The following TEX9 variants were observed in gnomAD, a reference collection of about 807,000 sequenced individuals.
TEX9 encodes testis-expressed protein 9.
A neutral mutation model predicts 59.6 loss-of-function variants in TEX9; 74 were observed. That is an observed-to-expected ratio of 1.24 (90% CI 1.03 to 1.51). The LOEUF is 1.51. TEX9 is among the 40% of genes most tolerant of loss of function. The pLI is 0.00. For missense variants in TEX9, 522 were observed against 447.8 expected (o/e 1.17, Z -1.49); for synonymous variants, 186 against 152.2 (o/e 1.22, Z -1.64).
intron 1 of TEX9, among the ~76,000 whole-genome samples, chr15:56,301,902 A>G (rs1413835274): frequency 6.6e-6 from 1 of 152,224 alleles, no homozygotes; most frequent in Non-Finnish European, 1.5e-5. Flanking sequence ...AGCATATTGT[A>G]ACATTGTAAT....
intron 1 of TEX9, among the ~76,000 whole-genome samples, chr15:56,343,041 A>C (rs1350637964): frequency 6.6e-6 from 1 of 152,218 alleles, no homozygotes; most frequent in Non-Finnish European, 1.5e-5. Flanking sequence ...TGAAGCAAGA[A>C]AAATAGAATG....
the TEX9 span, among the ~76,000 whole-genome samples, chr15:56,457,217 T>G: frequency 5.9e-5 from 9 of 152,342 alleles, no homozygotes; most frequent in Admixed American, 2.6e-4. Context: ...TGCATTTGAC[T>G]GATTGCTTCC....
the TEX9 span, chr15:56,456,340 A>T: frequency 1.4e-5 from 21 of 1,529,752 alleles, no homozygotes; most frequent in Non-Finnish European, 1.6e-5. Flanking sequence ...TAAGGATTAC[A>T]TAAGAGTTTA....
At chr15:56,400,687 AT>A (rs2048724033) in intron 9 of TEX9, among the ~76,000 whole-genome samples, 1 of 152,186 alleles carries the variant, frequency 6.6e-6, no homozygotes, top group Non-Finnish European at 1.5e-5. Context: ...TAACTGTCAG[AT>A]TCACCAAGGT....
At chr15:56,458,068 G>T in the TEX9 span, among the ~76,000 whole-genome samples, 1 of 152,052 alleles carries the variant, frequency 6.6e-6, no homozygotes, top group Non-Finnish European at 1.5e-5. Flanking sequence ...AGCAAAACTT[G>T]GATGAATCTC....
chr15:56,408,189 C>T (rs1446581341), intron 9 of TEX9, among the ~76,000 whole-genome samples: 2 of 152,126 alleles, frequency 1.3e-5, no homozygotes, highest in Non-Finnish European at 2.9e-5. Context: ...CCATTTTCTC[C>T]TGAAAATACT....
chr15:56,416,717 G>GC (rs1234167794), intron 10 of TEX9, among the ~76,000 whole-genome samples: 1 of 151,770 alleles, frequency 6.6e-6, no homozygotes, highest in Non-Finnish European at 1.5e-5. Flanking sequence ...GATGATGCTG[G>GC]CCCCATAGAA....
At chr15:56,460,009 A>AAAAAAAAAAAAAAAATATAT in the TEX9 span, among the ~76,000 whole-genome samples, 11 of 26,382 alleles carry the variant, frequency 4.2e-4, 2 homozygotes, top group East Asian at 1.1e-3. Flanking sequence ...AAAAAAAAAA[A>AAAAAAAAAAAAAAAATATAT]ATACATATAT....
chr15:56,358,184 C>T (rs750749619), intron 1 of TEX9, among the ~76,000 whole-genome samples: 1 of 152,048 alleles, frequency 6.6e-6, no homozygotes, highest in African/African-American at 2.4e-5. Flanking sequence ...GAATACAGTT[C>T]CCTGGGGCAT....
chr15:56,247,221 G>T (rs2043879814), intron 1 of TEX9, among the ~76,000 whole-genome samples: 1 of 152,154 alleles, frequency 6.6e-6, no homozygotes, highest in South Asian at 2.1e-4. Flanking sequence ...TATCATGCCT[G>T]ATATATAGCA....
intron 1 of TEX9, among the ~76,000 whole-genome samples, chr15:56,284,383 G>T (rs1243923169): frequency 6.6e-6 from 1 of 152,012 alleles, no homozygotes; most frequent in East Asian, 1.9e-4. Context: ...CCTTTCAAAG[G>T]GTGTGCAGCA....
At chr15:56,292,132 T>G (rs1477350047) in intron 1 of TEX9, among the ~76,000 whole-genome samples, 1 of 152,232 alleles carries the variant, frequency 6.6e-6, no homozygotes, top group Admixed American at 6.5e-5. Flanking sequence ...ATACATGGGT[T>G]CAGGAATGAA....
At chr15:56,259,348 A>G (rs1203016044) in intron 1 of TEX9, among the ~76,000 whole-genome samples, 2 of 152,064 alleles carry the variant, frequency 1.3e-5, no homozygotes, top group Non-Finnish European at 2.9e-5. Context: ...GTCCCTTTAC[A>G]GAAAAAATTT....
chr15:56,249,436 C>A (rs1444711721), intron 1 of TEX9, among the ~76,000 whole-genome samples: 1 of 127,008 alleles, frequency 7.9e-6, no homozygotes, highest in Non-Finnish European at 1.6e-5. Flanking sequence ...GTAAGCACAT[C>A]TGGGGAGAGA....
chr15:56,447,390 G>C (rs2050913916), downstream of TEX9: 1 of 153,822 alleles, frequency 6.5e-6, no homozygotes, highest in South Asian at 2.0e-4. Flanking sequence ...AATTTGGAAA[G>C]TACTAATATC....
intron 12 of TEX9, chr15:56,428,558 A>G: frequency 1.4e-6 from 1 of 691,692 alleles, no homozygotes; most frequent in Non-Finnish European, 2.3e-6. Flanking sequence ...TTATGAAAGC[A>G]AAATAATTTC....
intron 1 of TEX9, among the ~76,000 whole-genome samples, chr15:56,333,431 A>G (rs1030544147): frequency 6.6e-6 from 1 of 150,868 alleles, no homozygotes; most frequent in Non-Finnish European, 1.5e-5. Context: ...GATAATTTTA[A>G]TTGTTGCTGG....
At chr15:56,444,552 TTCTC>T in intron 12 of TEX9, 1 of 1,613,128 alleles carries the variant, frequency 6.2e-7, no homozygotes, top group Non-Finnish European at 8.5e-7. Context: ...TTCAAGTTGT[TTCTC>T]TAAGTCAAGA....
intron 1 of TEX9, among the ~76,000 whole-genome samples, chr15:56,359,444 G>T (rs1360517466): frequency 6.6e-6 from 1 of 152,056 alleles, no homozygotes; most frequent in Non-Finnish European, 1.5e-5. Flanking sequence ...CCTTAAATAA[G>T]TGGAATTATG....
Sources: gnomAD v4.1 joint callset for allele counts (sites outside exome capture counted in the v4.1 genomes callset) on GRCh38, gnomAD v4.1.1 for gene constraint, MANE v1.5 for transcripts, NCBI Gene and HGNC (gene_info 2026-07-23, HGNC 2026-07-21) for gene names.